Variants in ZP3 observed in about 807,000 individuals in gnomAD.
The protein encoded by ZP3 is zona pellucida sperm-binding protein 3.
Under a neutral mutation model 35.6 loss-of-function variants are expected in ZP3, and 21 were observed. The ratio of observed to expected loss-of-function variants is 0.59; its 90% CI spans 0.42 to 0.85. ZP3 has a LOEUF of 0.85. Ranked by LOEUF, ZP3 falls within the 40% of genes least tolerant of loss-of-function variation. ZP3 has a pLI of 0.00. For missense variants in ZP3, 437 were observed against 536.5 expected (o/e 0.81, Z 1.83); for synonymous variants, 207 against 214.5 (o/e 0.96, Z 0.31).
upstream of ZP3, chr7:76,424,780 A>G (rs1805598308): frequency 1.8e-6 from 1 of 568,094 alleles, no homozygotes; most frequent in Non-Finnish European, 3.1e-6. Context: ...GAAGGCTGAG[A>G]GTTTGCAGTT....
At chr7:76,436,429 G>A (rs1260333704) in intron 5 of ZP3, among the ~76,000 whole-genome samples, 1 of 152,174 alleles carries the variant, frequency 6.6e-6, no homozygotes, top group African/African-American at 2.4e-5. Flanking sequence ...TAAGCTCCTA[G>A]GTGACTCTAA....
intron 1 of ZP3, among the ~76,000 whole-genome samples, chr7:76,406,968 A>G: frequency 6.6e-6 from 1 of 150,722 alleles, no homozygotes; most frequent in East Asian, 2.0e-4. Context: ...TTATTTATTT[A>G]TTTATTTTTG....
At chr7:76,437,960 G>A (rs1440811079) in intron 5 of ZP3, among the ~76,000 whole-genome samples, 2 of 152,158 alleles carry the variant, frequency 1.3e-5, no homozygotes, top group African/African-American at 2.4e-5. Context: ...CAGGGCAGGT[G>A]GCTAAGATGG....
Position 76,429,611 on chromosome 7 carries a change from C to A in ZP3, c.409C>A (p.Pro137Thr). ...CGTGAGGACTAACCGCGCAGAGATT[C>A]CCATCGAGTGCCGCTACCCCAGGTC... ...SIVRTNRAEI[P>T]IECRYPRQGN... The change falls in exon 2 of 8, where the codon CCC (proline) becomes ACC (threonine). Residue 137 changes from proline to threonine, a missense_variant. Pro to Thr is a conservative substitution (Grantham distance 38, BLOSUM62 -1). Transcript: ENST00000394857. 6.2e-7 allele frequency: 1 copy of A among 1,614,070 alleles called. No homozygotes were observed. The highest frequency in any genetic ancestry group is 2.2e-5 in the East Asian group (1 of 44,888).
At chr7:76,424,859 G>A, upstream of ZP3, 1 of 1,095,120 alleles carries the variant, frequency 9.1e-7, no homozygotes, top group Non-Finnish European at 1.3e-6. Flanking sequence ...GGCCCAGCTG[G>A]CTAGGGAAGG....
intron 1 of ZP3, among the ~76,000 whole-genome samples, chr7:76,418,963 C>T (rs752196637): frequency 3.3e-5 from 5 of 152,096 alleles, no homozygotes; most frequent in African/African-American, 7.2e-5. Context: ...CAGAAAGTAT[C>T]AGAGAGACTC....
chr7:76,399,622 C>T (rs568250689), intron 1 of ZP3, among the ~76,000 whole-genome samples: 2 of 151,378 alleles, frequency 1.3e-5, no homozygotes, highest in East Asian at 3.9e-4. Context: ...GCAGCCTTGA[C>T]CCCCCCAGAC....
chr7:76,418,570 A>C (rs1002561293), intron 1 of ZP3, among the ~76,000 whole-genome samples: 1 of 139,890 alleles, frequency 7.1e-6, no homozygotes, highest in African/African-American at 2.7e-5. Flanking sequence ...AAAAAAAAAA[A>C]AAAAGGCTGG....
chr7:76,425,028 C>A lies in ZP3; in HGVS notation c.64C>A (p.Pro22Thr), dbSNP rs776560621. The change falls in exon 1 of 8, where the codon CCC becomes ACC. Residue 22 changes from proline to threonine, a missense_variant. Pro to Thr is a conservative substitution (Grantham distance 38). Transcript: ENST00000394857. ...CTGGGGTAGTACTGAGCTGTGCTAC[C>A]CCCAACCCCTCTGGCTCTTGCAGGG... ...LLWGSTELCY[P>T]QPLWLLQGGA... The A allele has an allele frequency of 3.1e-6, 5 of 1,593,446 alleles. No individual in the cohort carries two copies. The East Asian group carries it at 1.1e-4, about 36-fold the overall frequency.
At chr7:76,410,354 C>CTT (rs5885000) in intron 1 of ZP3, among the ~76,000 whole-genome samples, 1 of 142,412 alleles carries the variant, frequency 7.0e-6, no homozygotes, top group East Asian at 2.1e-4. Flanking sequence ...TTGTGTAGTT[C>CTT]TTTTTTTTTT....
At chr7:76,411,395 C>G (rs1046001845) in intron 1 of ZP3, among the ~76,000 whole-genome samples, 1 of 151,964 alleles carries the variant, frequency 6.6e-6, no homozygotes, top group African/African-American at 2.4e-5. Context: ...AGGGAGACCC[C>G]ATCTCTATAA....
chr7:76,426,477 G>A (rs1212344696), intron 1 of ZP3, among the ~76,000 whole-genome samples: 9 of 152,162 alleles, frequency 5.9e-5, no homozygotes, highest in Non-Finnish European at 8.8e-5. Context: ...GGAGCCCTCC[G>A]GCCAGAGCTC....
At chr7:76,439,117 G>A in intron 5 of ZP3, among the ~76,000 whole-genome samples, 1 of 122,284 alleles carries the variant, frequency 8.2e-6, no homozygotes, top group Non-Finnish European at 1.7e-5. Flanking sequence ...CTAGGCAACA[G>A]CAAGACTCCA....
chr7:76,413,002 GCC>G (rs1805287430), intron 1 of ZP3, among the ~76,000 whole-genome samples: 1 of 91,600 alleles, frequency 1.1e-5, no homozygotes, highest in South Asian at 4.0e-4. Flanking sequence ...TTTCTCTGTT[GCC>G]CAGGCTGGAG....
intron 1 of ZP3, among the ~76,000 whole-genome samples, chr7:76,402,282 T>A (rs568582593): frequency 6.6e-6 from 1 of 151,314 alleles, no homozygotes; most frequent in Admixed American, 6.6e-5. Flanking sequence ...TGGGTTCAAG[T>A]GATTCTCCCA....
chr7:76,433,867 T>G (rs183744003), intron 4 of ZP3, 171 bp from the exon 5 acceptor site: 1 of 1,103,126 alleles, frequency 9.1e-7, no homozygotes, highest in African/African-American at 1.6e-5. Flanking sequence ...CCTGGCTAAT[T>G]TTTGTATTTT....
chr7:76,430,047 C>T (rs187583620), intron 2 of ZP3, among the ~76,000 whole-genome samples: 1 of 151,780 alleles, frequency 6.6e-6, no homozygotes, highest in Admixed American at 6.6e-5. Flanking sequence ...CATGGTGAAA[C>T]CCCATCTCTA....
At chr7:76,404,510 A>T in intron 1 of ZP3, 1 of 1,610,370 alleles carries the variant, frequency 6.2e-7, no homozygotes, top group Admixed American at 1.7e-5. Context: ...GAACATCTGA[A>T]ATTAAAGATC....
chr7:76,436,025 G>GCC (rs376936281), intron 5 of ZP3, among the ~76,000 whole-genome samples: 84 of 60,864 alleles, frequency 1.4e-3, no homozygotes, highest in African/African-American at 2.4e-3. Flanking sequence ...CGCGCCCCCC[G>GCC]CCCCCTTTTT....
Sources: allele counts gnomAD v4.1 joint callset (sites outside exome capture counted in the v4.1 genomes callset), GRCh38; gene constraint gnomAD v4.1.1; transcripts MANE v1.5; gene names NCBI Gene and HGNC (gene_info 2026-07-23, HGNC 2026-07-21).